Variants in ZNF99 observed in about 807,000 individuals in gnomAD.
ZNF99 encodes the protein zinc finger protein 99.
A neutral mutation model predicts 12.8 loss-of-function variants in ZNF99; 8 were observed. The ratio of observed to expected loss-of-function variants is 0.62; its 90% CI spans 0.37 to 1.13. The LOEUF (loss-of-function observed/expected upper bound fraction) is 1.13. Ranked by LOEUF, ZNF99 falls within the 50% of genes most tolerant of loss-of-function variation. The pLI, the probability that ZNF99 is intolerant of heterozygous loss-of-function variation, is 0.02. For missense variants in ZNF99, 1,007 were observed against 1,006.2 expected, an observed-to-expected ratio of 1.00 and a Z score of -0.01; for synonymous variants, 318 against 319.0, an observed-to-expected ratio of 1.00 and a Z score of 0.03.
At chr19:22,781,949 G>A (rs1316957607) in intron 1 of ZNF99, among the ~76,000 whole-genome samples, 3 of 151,070 alleles carry the variant, frequency 2.0e-5, no homozygotes, top group African/African-American at 7.3e-5. Context: ...GTGGAGCAAG[G>A]AGGAAAAAAA....
chr19:22,757,015 AG>A lies in ZNF99; in HGVS notation c.*298del, dbSNP rs555700917. The A allele has an allele frequency of 5.0e-4, 806 of 1,612,914 alleles. 8 individuals are homozygous for A. In the South Asian group the frequency reaches 6.9e-3, roughly 14 times the overall value. ...TCCTAAGGGCTGAGAAATTGCTAAA[AG>A]CTTTGCCACATTCTTCACATTTGTA... On this transcript the variant is annotated 3_prime_UTR_variant, in exon 4 of 4. Coordinates refer to ENST00000596209, the MANE Select transcript of ZNF99 (RefSeq NM_001080409.3).
chr19:22,770,541 G>A (rs1214687169), intron 1 of ZNF99: 4 of 152,266 alleles, frequency 2.6e-5, no homozygotes, highest in Non-Finnish European at 5.9e-5. Context: ...ATTTTTAGTA[G>A]AGACAGGGTT....
At chr19:22,774,636 G>A (rs1183407765) in intron 1 of ZNF99, among the ~76,000 whole-genome samples, 13 of 152,138 alleles carry the variant, frequency 8.5e-5, no homozygotes, top group Admixed American at 1.3e-4. Context: ...TTGGGAGGCC[G>A]AGGTGGGTAG....
At chr19:22,776,434 T>TATATAA in intron 1 of ZNF99, among the ~76,000 whole-genome samples, 1 of 35,344 alleles carries the variant, frequency 2.8e-5, no homozygotes, top group Non-Finnish European at 5.3e-5. Flanking sequence ...TATATATATA[T>TATATAA]ATATATATAT....
In ZNF99 at chr19:22,764,214, CTT is replaced by C. The variant is rs1973181349; in HGVS notation, c.226+4089_226+4090del. Reference sequence around the variant, plus strand: ...GAGCCACCGCGCCTGGCCAGGGACTCTTTTCAACAAATGATGCTGGGATAATT... The same window carrying C: ...GAGCCACCGCGCCTGGCCAGGGACTCTTCAACAAATGATGCTGGGATAATT... On this transcript the variant is annotated intron_variant, in intron 3 of 3. Transcript: ENST00000596209. Among the ~76,000 whole-genome samples, 3 of 151,998 alleles carry C rather than the reference CTT, an allele frequency of 2.0e-5. No homozygotes were observed. In the South Asian group the frequency reaches 6.2e-4, roughly 31 times the overall value.
intron 1 of ZNF99, chr19:22,769,955 T>G (rs1424833746): frequency 1.0e-5 from 14 of 1,361,898 alleles, no homozygotes; most frequent in African/African-American, 5.9e-5. Flanking sequence ...AGAATAAGTC[T>G]TGTACATTTT....
chr19:22,771,868 C>A (rs1221079390), intron 1 of ZNF99, among the ~76,000 whole-genome samples: 10 of 144,446 alleles, frequency 6.9e-5, no homozygotes, highest in South Asian at 2.3e-4. Context: ...CAGGCGTGTG[C>A]CACCACGCCC....
chr19:22,755,342 TA>T lies in ZNF99; in HGVS notation c.*1971del. 3.8e-6 allele frequency: 1 copy of T among 266,112 alleles called. No homozygotes were observed. 16.5% of individuals were successfully genotyped at this position (266,112 alleles called of 1,614,324 possible). A position where few individuals can be genotyped will look rare whatever the true frequency, so the allele number is the denominator to read the frequency against. ...TGTTGAGTAAGGTCTGAAAACCAGT[TA>T]AAAGCTTTGCCACAGTTTTCATATT... On this transcript the variant is annotated 3_prime_UTR_variant, in exon 4 of 4. Transcript: ENST00000596209.
rs1206043548 is a variant in ZNF99 at position 22,756,776 on chromosome 19, A to G, written c.*538T>C. ...GAGGAATTGTTAAAAGCTTTGCCAC[A>G]TTCTTCACATTTGTAGGGTTTCTTT... On this transcript the variant is annotated 3_prime_UTR_variant, in exon 4 of 4. Coordinates refer to ENST00000596209, the MANE Select transcript of ZNF99 (RefSeq NM_001080409.3). 1 of 1,610,796 alleles carries G rather than the reference A, an allele frequency of 6.2e-7. No individual in the cohort carries two copies. The highest frequency in any genetic ancestry group is 1.7e-5 in the Admixed American group (1 of 59,796).
Position 22,755,116 on chromosome 19 carries a change from T to A in ZNF99, c.*2198A>T. 5.3e-6 allele frequency: 1 copy of A among 187,548 alleles called. No individual in the cohort carries two copies. Among genetic ancestry groups the A allele is most frequent in the Non-Finnish European group, 1.1e-5 (1 of 88,904 alleles). The allele number at this position is 187,548 out of a possible 1,614,324, so 11.6% of individuals were successfully genotyped here. A position where few individuals can be genotyped will look rare whatever the true frequency, so the allele number is the denominator to read the frequency against. ...AATTGAAGAATGCTTATGGCATTAT[T>A]CACATTTGTAGGGTTTCTCTCCCAT... On this transcript the variant is annotated 3_prime_UTR_variant, in exon 4 of 4. Coordinates refer to ENST00000596209, the MANE Select transcript of ZNF99 (RefSeq NM_001080409.3).
At chr19:22,765,383 G>A (rs1973192908) in intron 3 of ZNF99, among the ~76,000 whole-genome samples, 1 of 151,994 alleles carries the variant, frequency 6.6e-6, no homozygotes, top group South Asian at 2.1e-4. Flanking sequence ...AGAGTGCAGT[G>A]TATACAGCTC....
Position 22,754,610 on chromosome 19 carries a change from G to T in ZNF99, c.*2704C>A. The T allele has an allele frequency of 2.7e-6, 1 of 370,596 alleles. No individual in the cohort carries two copies. The highest frequency in any genetic ancestry group is 5.3e-6 in the Non-Finnish European group (1 of 188,288). 23.0% of individuals were successfully genotyped at this position (370,596 alleles called of 1,614,324 possible). A position where few individuals can be genotyped will look rare whatever the true frequency, so the allele number is the denominator to read the frequency against. Reference sequence around the variant, plus strand: ...TTCAGTATGAATTATCTTAATGTGTGGTAAGATGTGAGAAATGGTTACAGT... The same window carrying T: ...TTCAGTATGAATTATCTTAATGTGTTGTAAGATGTGAGAAATGGTTACAGT... On this transcript the variant is annotated 3_prime_UTR_variant, in exon 4 of 4. Coordinates refer to ENST00000596209, the MANE Select transcript of ZNF99 (RefSeq NM_001080409.3).
chr19:22,760,832 C>T (rs1279868998), intron 3 of ZNF99, among the ~76,000 whole-genome samples: 1 of 145,464 alleles, frequency 6.9e-6, no homozygotes, highest in East Asian at 2.0e-4. Context: ...TGTAGTACCA[C>T]ACACAAAAAA....
chr19:22,779,337 A>C (rs1973363124), intron 1 of ZNF99, among the ~76,000 whole-genome samples: 1 of 152,088 alleles, frequency 6.6e-6, no homozygotes, highest in South Asian at 2.1e-4. Context: ...CAGCTTGGCC[A>C]ATATGGTGAA....
chr19:22,759,633 T>G lies in ZNF99; in HGVS notation c.276A>C (p.Lys92Asn). Residue 92 changes from lysine (K) to asparagine (N), a missense_variant, in exon 4 of 4, where the codon AAA becomes AAC. Transcript: ENST00000596209. ...TQDFWPDQSI[K>N]DSFQEIILRT... Reference sequence around the variant, plus strand: ...TCAATATTATTTCTTGGAAAGAATCTTTTATGCTCTGATCTGGCCAAAAGT... The same window carrying G: ...TCAATATTATTTCTTGGAAAGAATCGTTTATGCTCTGATCTGGCCAAAAGT... 6.3e-7 allele frequency: 1 copy of G among 1,591,620 alleles called. No homozygotes were observed. The highest frequency in any genetic ancestry group is 8.5e-7 in the Non-Finnish European group (1 of 1,173,000).
intron 1 of ZNF99, among the ~76,000 whole-genome samples, chr19:22,775,687 A>G (rs2145156904): frequency 6.6e-6 from 1 of 152,402 alleles, no homozygotes; most frequent in East Asian, 1.9e-4. Context: ...TCTAGAATCC[A>G]TAAAAAACTG....
rs776924686 is a variant in ZNF99, at chr19:22,757,938, A to G, written c.1971T>C (p.Ala657=). ...TAGTAAGGTGTGAGGACCACTTAAA[A>G]GCTTTACCACATTCTTCACATTTGT... ...KPYKCEECGK[A]FKWSSHLTRH... is the part of the protein sequence containing the mutation. Residue 657 remains alanine (A), a synonymous_variant, in exon 4 of 4, where the codon GCT becomes GCC. Coordinates refer to ENST00000596209, the MANE Select transcript of ZNF99 (RefSeq NM_001080409.3). The G allele has an allele frequency of 2.5e-6, 4 of 1,612,926 alleles. No homozygotes were observed. Among genetic ancestry groups the G allele is most frequent in the Non-Finnish European group, 3.4e-6 (4 of 1,179,662 alleles).
At chr19:22,765,534 GA>G (rs367727802) in intron 3 of ZNF99, among the ~76,000 whole-genome samples, 32 of 150,806 alleles carry the variant, frequency 2.1e-4, no homozygotes, top group African/African-American at 4.4e-4. Context: ...ACTTGAAGAC[GA>G]AAAAAAAGAG....
chr19:22,757,828 T>C lies in ZNF99; in HGVS notation c.2081A>G (p.Lys694Arg). 6.2e-7 allele frequency: 1 copy of C among 1,611,618 alleles called. No individual in the cohort carries two copies. The highest frequency in any genetic ancestry group is 1.3e-5 in the African/African-American group (1 of 74,576). The change falls in exon 4 of 4, where the codon AAA becomes AGA. Residue 694 changes from lysine to arginine, a missense_variant. Transcript: ENST00000596209. The stretch of plus-strand genomic sequence containing the variant: ...CTTTCCAGTATGAATTATCTTATGT[T>C]TCCTAAGGGCTGAGAAATGGTTAAA... ...KAFNHFSALR[K>R]HKIIHTGKKP...
Sources: gnomAD v4.1 joint callset for allele counts (sites outside exome capture counted in the v4.1 genomes callset) on GRCh38, gnomAD v4.1.1 for gene constraint, MANE v1.5 for transcripts, NCBI Gene and HGNC (gene_info 2026-07-23, HGNC 2026-07-21) for gene names.